Variants in ZCCHC17 observed in about 807,000 individuals in gnomAD.
ZCCHC17 encodes the protein zinc finger CCHC-type containing 17.
Under a neutral mutation model 30.6 loss-of-function variants are expected in ZCCHC17, and 18 were observed. That is an observed-to-expected ratio of 0.59 (90% CI 0.41 to 0.87). The LOEUF (loss-of-function observed/expected upper bound fraction) is 0.87. ZCCHC17 is among the 40% of genes least tolerant of loss of function. The pLI is 0.00. For synonymous variants in ZCCHC17, 88 were observed against 92.4 expected (o/e 0.95, Z 0.27); for missense variants, 263 against 284.2 (o/e 0.93, Z 0.54).
chr1:31,306,803 G>T (rs1334247592), intron 1 of ZCCHC17, among the ~76,000 whole-genome samples: 2 of 152,056 alleles, frequency 1.3e-5, no homozygotes, highest in Non-Finnish European at 2.9e-5. Context: ...AAGTAGCTGG[G>T]ATTATAGGCT....
chr1:31,355,059 T>C (rs1382168493), intron 7 of ZCCHC17, among the ~76,000 whole-genome samples: 1 of 151,516 alleles, frequency 6.6e-6, no homozygotes, highest in Admixed American at 6.6e-5. Flanking sequence ...CCTGTAATCC[T>C]AGCTACTTGG....
chr1:31,358,915 C>A (rs1173482401), intron 7 of ZCCHC17, among the ~76,000 whole-genome samples: 1 of 151,910 alleles, frequency 6.6e-6, no homozygotes, highest in African/African-American at 2.4e-5. Context: ...CCAGAGTGCT[C>A]AACACTTAGA....
At chr1:31,327,676 A>G (rs1037302526) in intron 3 of ZCCHC17, among the ~76,000 whole-genome samples, 1 of 152,180 alleles carries the variant, frequency 6.6e-6, no homozygotes, top group African/African-American at 2.4e-5. Flanking sequence ...CTGCTGTTGC[A>G]GTGCTTGTGT....
At position 31,346,884 on chromosome 1, in the gene ZCCHC17, C is replaced by T. The variant is rs74443134; in HGVS notation, c.418+144C>T. ...TTTGCTGTTTTTTCCACCAGACTCA[C>T]ATCAGAGTTCATGGGGTGATACATT... On this transcript the variant is annotated intron_variant, in intron 6 of 7. Transcript: ENST00000344147. 1.5e-3 allele frequency: 2,227 copies of T among 1,485,110 alleles called. 25 individuals carry two copies. In the African/African-American group the frequency reaches 0.027, roughly 18 times the overall value. 92.0% of individuals were successfully genotyped at this position (1,485,110 alleles called of 1,614,324 possible).
intron 2 of ZCCHC17, among the ~76,000 whole-genome samples, chr1:31,311,666 C>G (rs1483237131): frequency 6.6e-6 from 1 of 152,164 alleles, no homozygotes; most frequent in Non-Finnish European, 1.5e-5. Context: ...ACGGAAGGGA[C>G]AGAAGGAGCG....
At chr1:31,337,807 T>C (rs759572747) in intron 4 of ZCCHC17, among the ~76,000 whole-genome samples, 6 of 152,114 alleles carry the variant, frequency 3.9e-5, no homozygotes, top group Non-Finnish European at 7.3e-5. Context: ...GAGCATACAC[T>C]GAGTCCTGTT....
intron 3 of ZCCHC17, among the ~76,000 whole-genome samples, chr1:31,335,273 A>G (rs1008118576): frequency 4.6e-5 from 7 of 152,250 alleles, no homozygotes; most frequent in African/African-American, 1.4e-4. Flanking sequence ...CCTGATTTGT[A>G]TATGTAAAAT....
chr1:31,362,463 G>T (rs1639944200), intron 7 of ZCCHC17, among the ~76,000 whole-genome samples: 1 of 152,138 alleles, frequency 6.6e-6, no homozygotes, highest in Non-Finnish European at 1.5e-5. Flanking sequence ...TGCTCATACT[G>T]CCCCATTAGA....
chr1:31,332,329 G>A lies in ZCCHC17; in HGVS notation c.125-4846G>A, dbSNP rs193145999. Among the ~76,000 whole-genome samples, 466 of 152,258 alleles carry A rather than the reference G, an allele frequency of 3.1e-3. 2 individuals carry two copies. The highest frequency in any genetic ancestry group is 0.01 in the African/African-American group (434 of 41,546). On this transcript the variant is annotated intron_variant, in intron 3 of 7. Transcript: ENST00000344147. ...GACATTTGCATTCAAGATCGAGGGC[G>A]AGGGCTAGACTGTGTCTTTTGTTTA...
chr1:31,346,953 C>T, intron 6 of ZCCHC17: 1 of 1,012,016 alleles, frequency 9.9e-7, no homozygotes, highest in African/African-American at 1.6e-5. Flanking sequence ...GATACTATAC[C>T]ACTACCACCA....
In ZCCHC17 at chr1:31,342,720, G is replaced by A. The variant is rs533783597; in HGVS notation, c.317+3672G>A. On this transcript the variant is annotated intron_variant, in intron 5 of 7. Coordinates refer to ENST00000344147, the MANE Select transcript of ZCCHC17 (RefSeq NM_016505.4). ...TGCAGCTTGGTTCCTAACAGGCCATGGACCAGTAGCAGTCTGTGGCCTGGG... is the reference window on the plus strand; with the variant it reads ...TGCAGCTTGGTTCCTAACAGGCCATAGACCAGTAGCAGTCTGTGGCCTGGG... Among the ~76,000 whole-genome samples, 121 of 152,334 alleles carry A rather than the reference G, an allele frequency of 7.9e-4. 1 individual carries two copies. Among genetic ancestry groups the A allele is most frequent in the South Asian group, 3.9e-3 (19 of 4,824 alleles).
chr1:31,347,170 G>C (rs1021418972), intron 6 of ZCCHC17, among the ~76,000 whole-genome samples: 12 of 152,202 alleles, frequency 7.9e-5, no homozygotes, highest in African/African-American at 1.4e-4. Context: ...TCAGAGTTCT[G>C]AATACAATAT....
chr1:31,360,256 G>A (rs1009385873), intron 7 of ZCCHC17, among the ~76,000 whole-genome samples: 2 of 147,484 alleles, frequency 1.4e-5, no homozygotes, highest in African/African-American at 5.1e-5. Flanking sequence ...CAAAACCTCC[G>A]CCTCCCACGC....
chr1:31,298,597 C>G (rs1218085281), intron 1 of ZCCHC17, among the ~76,000 whole-genome samples: 3 of 152,150 alleles, frequency 2.0e-5, no homozygotes, highest in African/African-American at 4.8e-5. Context: ...ATTGGCCAGG[C>G]TGGTCTCCAA....
chr1:31,310,297 A>G, intron 2 of ZCCHC17, 133 bp downstream of exon 2: 1 of 769,036 alleles, frequency 1.3e-6, no homozygotes, highest in South Asian at 2.1e-5. Flanking sequence ...CCAGCGGAAC[A>G]TCTGGCAATC....
intron 1 of ZCCHC17, among the ~76,000 whole-genome samples, chr1:31,304,483 C>T (rs368399641): frequency 2.0e-5 from 3 of 151,564 alleles, no homozygotes; most frequent in Non-Finnish European, 4.4e-5. Flanking sequence ...GGGGTTTCAT[C>T]GTGTTGCCCA....
Position 31,363,549 on chromosome 1 carries a change from C to T in ZCCHC17, c.565-483C>T, listed in dbSNP as rs112008582. 2.0e-3 allele frequency among the ~76,000 whole-genome samples: 310 copies of T among 152,130 alleles called. 1 individual carries two copies. Among genetic ancestry groups the T allele is most frequent in the African/African-American group, 7.3e-3 (302 of 41,522 alleles). On this transcript the variant is annotated intron_variant, in intron 7 of 7. Coordinates refer to ENST00000344147, the MANE Select transcript of ZCCHC17 (RefSeq NM_016505.4). Reference sequence around the variant, plus strand: ...TCTCACACCTGTAATCACAGCACTTCGGGAGGCCAAGGTGGGCAGATTGCT... The same window carrying T: ...TCTCACACCTGTAATCACAGCACTTTGGGAGGCCAAGGTGGGCAGATTGCT...
At chr1:31,298,129 C>G (rs1012004379) in intron 1 of ZCCHC17, among the ~76,000 whole-genome samples, 2 of 152,140 alleles carry the variant, frequency 1.3e-5, no homozygotes, top group African/African-American at 4.8e-5. Flanking sequence ...TGCAGTAATC[C>G]TGGTCAGAGA....
chr1:31,313,012 C>T (rs1646642430), intron 2 of ZCCHC17, among the ~76,000 whole-genome samples: 1 of 151,538 alleles, frequency 6.6e-6, no homozygotes, highest in African/African-American at 2.4e-5. Flanking sequence ...GGTGATCCAC[C>T]TGCCTCGGCC....
Sources: gnomAD v4.1 joint callset for allele counts (sites outside exome capture counted in the v4.1 genomes callset) on GRCh38, gnomAD v4.1.1 for gene constraint, MANE v1.5 for transcripts, NCBI Gene and HGNC (gene_info 2026-07-23, HGNC 2026-07-21) for gene names.